The following LEO1 variants were observed in gnomAD, a reference collection of about 807,000 sequenced individuals.
The protein encoded by LEO1 is RNA polymerase-associated protein LEO1.
Under a neutral mutation model 80.4 loss-of-function variants are expected in LEO1, and 34 were observed. The ratio of observed to expected loss-of-function variants is 0.42; its 90% CI spans 0.32 to 0.56. The LOEUF is 0.56. Among genes scored for constraint, LEO1 ranks in the 20% least tolerant of loss-of-function variants. The pLI is 0.10. For synonymous variants in LEO1, 262 were observed against 274.9 expected, an observed-to-expected ratio of 0.95 and a Z score of 0.46; for missense variants, 631 against 814.2, an observed-to-expected ratio of 0.77 and a Z score of 2.74.
chr15:51,970,705 T>C (rs887249972), intron 1 of LEO1, among the ~76,000 whole-genome samples: 1 of 152,238 alleles, frequency 6.6e-6, no homozygotes, highest in African/African-American at 2.4e-5. Flanking sequence ...AAGTGCTTTA[T>C]GAACAGTGTT....
At chr15:51,944,949 T>C (rs1595931336) in intron 11 of LEO1, among the ~76,000 whole-genome samples, 1 of 152,144 alleles carries the variant, frequency 6.6e-6, no homozygotes, top group African/African-American at 2.4e-5. Context: ...CTCTACTCTC[T>C]CAGCTCTGCT....
chr15:51,971,638 A>C (rs575910544), intron 1 of LEO1, 50 bp downstream of exon 1: 1 of 1,593,422 alleles, frequency 6.3e-7, no homozygotes, highest in African/African-American at 1.3e-5. Context: ...TCCGGCTCCC[A>C]CAGCGGAAGG....
intron 1 of LEO1, among the ~76,000 whole-genome samples, chr15:51,969,838 TAAAAAAAA>T (rs58342384): frequency 4.3e-4 from 39 of 89,976 alleles, no homozygotes; most frequent in African/African-American, 1.6e-3. Context: ...GAGACTCCGT[TAAAAAAAA>T]AAAAAAAAAA....
chr15:51,962,385 A>G lies in LEO1; in HGVS notation c.919+4T>C, dbSNP rs2057037911. 2 of 1,569,438 alleles carry G rather than the reference A, an allele frequency of 1.3e-6. No individual in the cohort carries two copies. Among genetic ancestry groups the G allele is most frequent in the Non-Finnish European group, 1.8e-6 (2 of 1,142,030 alleles). ...TATACATATATATATAATAATAGGG[A>G]TACCTTTTGGCACCTCAGTGTCACT... On this transcript the variant is annotated splice_donor_region_variant and intron_variant, in intron 3 of 11. Transcript: ENST00000299601.
At chr15:51,965,558 G>A (rs1479399072) in intron 2 of LEO1, among the ~76,000 whole-genome samples, 191 bp downstream of exon 2, 2 of 152,160 alleles carry the variant, frequency 1.3e-5, no homozygotes, top group East Asian at 1.9e-4. Flanking sequence ...GGAAGGGAAA[G>A]GAGTAAGAAA....
At chr15:51,947,983 A>T (rs886288372) in intron 10 of LEO1, among the ~76,000 whole-genome samples, 4 of 152,226 alleles carry the variant, frequency 2.6e-5, no homozygotes, top group African/African-American at 9.6e-5. Context: ...ACTCTTACGA[A>T]GTCAACTATT....
At chr15:51,955,696 C>T (rs879758259) in intron 6 of LEO1, among the ~76,000 whole-genome samples, 10 of 152,182 alleles carry the variant, frequency 6.6e-5, no homozygotes, top group Non-Finnish European at 1.3e-4. Flanking sequence ...GCCTGTTCCC[C>T]CAGTGTCAAT....
At chr15:51,947,962 CA>C (rs1413959738) in intron 10 of LEO1, among the ~76,000 whole-genome samples, 1 of 152,300 alleles carries the variant, frequency 6.6e-6, no homozygotes, top group East Asian at 1.9e-4. Flanking sequence ...TCTAAAGAGG[CA>C]AGATACCCTA....
At position 51,949,796 on chromosome 15, in the gene LEO1, T is replaced by A; in HGVS notation, c.1798+12A>T. On this transcript the variant is annotated intron_variant, in intron 10 of 11. Transcript: ENST00000299601. Reference sequence around the variant, plus strand: ...CCGAAATGATGAAATGTAATTTCCATACACGACTCACCTCGAATGCCCCCT... The same window carrying A: ...CCGAAATGATGAAATGTAATTTCCAAACACGACTCACCTCGAATGCCCCCT... 3 of 1,609,902 alleles carry A rather than the reference T, an allele frequency of 1.9e-6. No individual in the cohort carries two copies. Among genetic ancestry groups the A allele is most frequent in the Non-Finnish European group, 2.5e-6 (3 of 1,177,664 alleles).
At chr15:51,965,717 C>T (rs2057069198) in intron 2 of LEO1, 32 bp downstream of exon 2, 2 of 1,563,440 alleles carry the variant, frequency 1.3e-6, no homozygotes, top group Non-Finnish European at 1.7e-6. Flanking sequence ...ATGCTTCTTT[C>T]TGAGCCATTC....
intron 11 of LEO1, among the ~76,000 whole-genome samples, chr15:51,946,013 A>G (rs1251889422): frequency 6.6e-6 from 1 of 151,886 alleles, no homozygotes; most frequent in Non-Finnish European, 1.5e-5. Context: ...CAGCCTGGGC[A>G]ACAGAGCGAG....
rs761698948 is a variant in LEO1 at position 51,938,251 on chromosome 15, G to T, written c.1906C>A (p.Pro636Thr). Residue 636 changes from proline to threonine, a missense_variant, in exon 12 of 12, where the codon CCT (proline) becomes ACT (threonine). This residue lies in a region of LEO1 where 117 missense variants were observed against 163.5 expected (regional missense o/e 0.72). Transcript: ENST00000299601. ...KKLTSDEEGE[P>T]SGKRKAEDDD... ...TCTTCTGCTTTTCTCTTTCCGGAAGGTTCACCTTCCTAAACAGATACAATT... is the reference window on the plus strand; with the variant it reads ...TCTTCTGCTTTTCTCTTTCCGGAAGTTTCACCTTCCTAAACAGATACAATT... 6.3e-7 allele frequency: 1 copy of T among 1,591,972 alleles called. No individual in the cohort carries two copies. Among genetic ancestry groups the T allele is most frequent in the Non-Finnish European group, 8.6e-7 (1 of 1,164,244 alleles).
intron 6 of LEO1, among the ~76,000 whole-genome samples, chr15:51,957,346 C>T (rs1383384777): frequency 6.6e-6 from 1 of 152,054 alleles, no homozygotes; most frequent in Non-Finnish European, 1.5e-5. Context: ...ACTAAAACAA[C>T]CATGAAAAAT....
At chr15:51,966,579 C>T in intron 1 of LEO1, 75 bp from the exon 2 acceptor site, 1 of 835,956 alleles carries the variant, frequency 1.2e-6, no homozygotes, top group Non-Finnish European at 1.9e-6. Flanking sequence ...TCCATCCCAA[C>T]ATAAAAGCAA....
At chr15:51,953,050 A>G in intron 8 of LEO1, 79 bp downstream of exon 8, 1 of 1,162,560 alleles carries the variant, frequency 8.6e-7, no homozygotes, top group African/African-American at 1.5e-5. Context: ...TACATCAATC[A>G]GGTGGCAGGC....
intron 7 of LEO1, among the ~76,000 whole-genome samples, chr15:51,953,842 A>G (rs1188382386): frequency 1.3e-5 from 2 of 152,022 alleles, no homozygotes; most frequent in Non-Finnish European, 2.9e-5. Flanking sequence ...TGACGCCTGT[A>G]ATCCCAGCAC....
At chr15:51,968,795 C>T (rs1272868700) in intron 1 of LEO1, among the ~76,000 whole-genome samples, 1 of 151,792 alleles carries the variant, frequency 6.6e-6, no homozygotes, top group East Asian at 1.9e-4. Flanking sequence ...CGCCACTGCA[C>T]TCCAGCCTGG....
chr15:51,969,766 C>T (rs567225155), intron 1 of LEO1, among the ~76,000 whole-genome samples: 16 of 150,682 alleles, frequency 1.1e-4, no homozygotes, highest in African/African-American at 2.2e-4. Flanking sequence ...TGCTTGAACC[C>T]GGAGGCGGAG....
In LEO1 at chr15:51,967,010, C is replaced by A. The variant is rs184856147; in HGVS notation, c.59-506G>T. ...GATTTGAGCAGGAAAAAGAAAGAAT[C>A]AGTAAACTTGAAGATACCTCAGTTC... On this transcript the variant is annotated intron_variant, in intron 1 of 11. Coordinates refer to ENST00000299601, the MANE Select transcript of LEO1 (RefSeq NM_138792.4). Among the ~76,000 whole-genome samples, 709 of 152,152 alleles carry A rather than the reference C, an allele frequency of 4.7e-3. 7 individuals carry two copies. The highest frequency in any genetic ancestry group is 0.016 in the African/African-American group (684 of 41,524).
Sources: allele counts gnomAD v4.1 joint callset (sites outside exome capture counted in the v4.1 genomes callset), GRCh38; gene constraint gnomAD v4.1.1; regional missense constraint gnomAD v4.1.1; transcripts MANE v1.5; gene names NCBI Gene and HGNC (gene_info 2026-07-23, HGNC 2026-07-21).